The following PDE8B variants were observed in gnomAD, a reference collection of about 807,000 sequenced individuals.
PDE8B encodes phosphodiesterase 8B, also known as high affinity cAMP-specific and IBMX-insensitive 3',5'-cyclic phosphodiesterase 8B.
Under a neutral mutation model 101.3 loss-of-function variants are expected in PDE8B, and 26 were observed. The ratio of observed to expected loss-of-function variants is 0.26; its 90% confidence interval spans 0.19 to 0.36. The LOEUF (loss-of-function observed/expected upper bound fraction) is 0.36, where lower values mean the gene tolerates loss of function less well. PDE8B is among the 10% of genes least tolerant of loss of function. The pLI, the probability that PDE8B is intolerant of heterozygous loss-of-function variation, is 1.00. For synonymous variants in PDE8B, 424 were observed against 429.3 expected (o/e 0.99, Z 0.15); for missense variants, 810 against 1,163.1 (o/e 0.70, Z 4.42).
At chr5:77,377,380 G>T (rs1266753886) in intron 10 of PDE8B, among the ~76,000 whole-genome samples, 1 of 152,178 alleles carries the variant, frequency 6.6e-6, no homozygotes, top group Non-Finnish European at 1.5e-5. Flanking sequence ...TGTTAAACAT[G>T]CAGATTCGTA....
intron 10 of PDE8B, among the ~76,000 whole-genome samples, chr5:77,378,011 C>CAT (rs1561612377): frequency 2.2e-5 from 2 of 91,302 alleles, no homozygotes; most frequent in Admixed American, 1.0e-4. Context: ...TCTCTCTCTA[C>CAT]ACACACACAC....
chr5:77,288,148 T>C (rs1162456835), intron 1 of PDE8B, among the ~76,000 whole-genome samples: 1 of 152,222 alleles, frequency 6.6e-6, no homozygotes, highest in Non-Finnish European at 1.5e-5. Context: ...TTTCGTCCTA[T>C]GTGAAGGCTG....
the PDE8B span, among the ~76,000 whole-genome samples, chr5:77,109,927 G>GTTTTTTTTTTTTTTT: frequency 4.5e-5 from 3 of 67,234 alleles, no homozygotes; most frequent in East Asian, 6.1e-4. Flanking sequence ...TTGTATTTCA[G>GTTTTTTTTTTTTTTT]TTTTTTTTTT....
the PDE8B span, among the ~76,000 whole-genome samples, chr5:77,167,536 G>A: frequency 3.9e-5 from 6 of 152,276 alleles, no homozygotes; most frequent in South Asian, 4.1e-4. Context: ...TCCAGGGCAC[G>A]TCGATGCGGA....
intron 1 of PDE8B, among the ~76,000 whole-genome samples, chr5:77,297,957 C>T (rs1003111805): frequency 6.6e-6 from 1 of 152,214 alleles, no homozygotes; most frequent in African/African-American, 2.4e-5. Flanking sequence ...TCATCTCACT[C>T]CCACTCTGCT....
At chr5:77,395,170 G>GC (rs1267278367) in intron 10 of PDE8B, among the ~76,000 whole-genome samples, 2 of 151,904 alleles carry the variant, frequency 1.3e-5, no homozygotes, top group Non-Finnish European at 2.9e-5. Context: ...AGGCTGGAGT[G>GC]CAGTGGCGCG....
intron 1 of PDE8B, among the ~76,000 whole-genome samples, chr5:77,237,355 T>G (rs909295674): frequency 2.6e-5 from 4 of 152,178 alleles, no homozygotes; most frequent in Admixed American, 2.6e-4. Context: ...AAACATTTTT[T>G]AGTATTCAAT....
At chr5:77,379,741 A>G (rs1458109921) in intron 10 of PDE8B, among the ~76,000 whole-genome samples, 1 of 152,220 alleles carries the variant, frequency 6.6e-6, no homozygotes, top group Non-Finnish European at 1.5e-5. Flanking sequence ...GTTTTTGAAA[A>G]TAGAAAAGAT....
the PDE8B span, among the ~76,000 whole-genome samples, chr5:77,109,006 C>T: frequency 1.3e-5 from 2 of 152,162 alleles, no homozygotes; most frequent in African/African-American, 2.4e-5. Context: ...CATTGACCAT[C>T]CTACAAGTCA....
intron 19 of PDE8B, 25 bp from the exon 20 acceptor site, chr5:77,421,796 C>G: frequency 6.2e-7 from 1 of 1,612,392 alleles, no homozygotes; most frequent in Non-Finnish European, 8.5e-7. Context: ...TTGAACCAAG[C>G]CTGATCTGAC....
the PDE8B span, chr5:77,140,222 T>A: frequency 6.6e-6 from 1 of 152,228 alleles, no homozygotes; most frequent in Non-Finnish European, 1.5e-5. Context: ...CTGTATGACC[T>A]TTTTTTAAAT....
chr5:77,423,747 C>A (rs1315504113), intron 20 of PDE8B, among the ~76,000 whole-genome samples: 5 of 140,496 alleles, frequency 3.6e-5, no homozygotes, highest in Non-Finnish European at 7.6e-5. Context: ...TTGAGCAATT[C>A]TGCCTCAGCC....
chr5:77,373,217 TCTTATC>T (rs934331167), intron 10 of PDE8B, among the ~76,000 whole-genome samples: 9 of 152,244 alleles, frequency 5.9e-5, no homozygotes, highest in African/African-American at 2.2e-4. Flanking sequence ...TGCTTTCTGT[TCTTATC>T]CTTATTATTT....
At chr5:77,353,468 G>C (rs752921210) in intron 10 of PDE8B, 62 bp downstream of exon 10, 5 of 905,124 alleles carry the variant, frequency 5.5e-6, no homozygotes, top group Admixed American at 1.7e-5. Context: ...TCTGTTCTCT[G>C]CTTATCTCAC....
intron 10 of PDE8B, among the ~76,000 whole-genome samples, chr5:77,366,447 A>G (rs1459493838): frequency 6.6e-6 from 1 of 152,160 alleles, no homozygotes; most frequent in African/African-American, 2.4e-5. Context: ...GAGAGTCCAG[A>G]GACAGCGGTT....
intron 12 of PDE8B, among the ~76,000 whole-genome samples, chr5:77,406,209 C>T (rs570535545): frequency 4.7e-4 from 71 of 152,256 alleles, no homozygotes; most frequent in African/African-American, 1.7e-3. Flanking sequence ...CGCTTGAACC[C>T]AGGAGGCGGA....
At chr5:77,202,399 T>A in the PDE8B span, among the ~76,000 whole-genome samples, 19 of 152,318 alleles carry the variant, frequency 1.2e-4, no homozygotes, top group East Asian at 3.5e-3. Context: ...CTCCTCTTCC[T>A]CCTCAGCTTA....
rs1561699748 is a variant in PDE8B, at chr5:77,423,640, T to TAG, written c.2418+1652_2418+1653insAG. On this transcript the variant is annotated intron_variant, in intron 20 of 21. Coordinates refer to ENST00000264917, the MANE Select transcript of PDE8B (RefSeq NM_003719.5). ...GACTTTTGTTTTGTTTAGTTTTTTTTTTTTTTTTTTTTTTTTTTTGAGACA... is the reference window on the plus strand; with the variant it reads ...GACTTTTGTTTTGTTTAGTTTTTTTTAGTTTTTTTTTTTTTTTTTTTGAGACA... 1.6e-4 allele frequency among the ~76,000 whole-genome samples: 19 copies of TAG among 117,786 alleles called. No individual in the cohort carries two copies. The East Asian group carries it at 4.1e-3, about 26-fold the overall frequency. The allele number at this position is 117,786 out of a possible 152,430, so 77.3% of individuals were successfully genotyped here. A position where few individuals can be genotyped will look rare whatever the true frequency, so the allele number is the denominator to read the frequency against.
intron 6 of PDE8B, among the ~76,000 whole-genome samples, chr5:77,337,676 TA>T (rs1393549450): frequency 2.0e-5 from 3 of 152,216 alleles, no homozygotes; most frequent in African/African-American, 7.2e-5. Flanking sequence ...TTGTTACGCA[TA>T]GGGGCAAACT....
Sources: gnomAD v4.1 joint callset for allele counts (sites outside exome capture counted in the v4.1 genomes callset) on GRCh38, gnomAD v4.1.1 for gene constraint, MANE v1.5 for transcripts, NCBI Gene and HGNC (gene_info 2026-07-23, HGNC 2026-07-21) for gene names.